The following RARB variants were observed in gnomAD, a reference collection of about 807,000 sequenced individuals.
RARB encodes retinoic acid receptor beta, also known as HBV-activated protein.
Under a neutral mutation model 51.9 loss-of-function variants are expected in RARB, and 17 were observed. The ratio of observed to expected loss-of-function variants is 0.33; its 90% CI spans 0.22 to 0.49. RARB has a LOEUF of 0.49. Among genes scored for constraint, RARB ranks in the 20% least tolerant of loss-of-function variants. The pLI is 0.99. For synonymous variants in RARB, 215 were observed against 195.4 expected, an observed-to-expected ratio of 1.10 and a Z score of -0.84; for missense variants, 369 against 550.8, an observed-to-expected ratio of 0.67 and a Z score of 3.30.
chr3:25,086,717 T>A (rs966675522), intron 3 of RARB, among the ~76,000 whole-genome samples: 27 of 152,112 alleles, frequency 1.8e-4, no homozygotes, highest in Admixed American at 1.0e-3. Flanking sequence ...GGAGGGGCAC[T>A]TCCAGGTCAC....
chr3:25,314,974 T>C (rs9838713), intron 5 of RARB, among the ~76,000 whole-genome samples: 55,838 of 152,068 alleles, frequency 0.37, 10,993 homozygotes, highest in African/African-American at 0.5. Context: ...CAAATTAACA[T>C]GGGAACAGAA....
intron 3 of RARB, among the ~76,000 whole-genome samples, chr3:25,508,285 G>A (rs1372663522): frequency 6.6e-6 from 1 of 152,134 alleles, no homozygotes; most frequent in Non-Finnish European, 1.5e-5. Context: ...CTTTAGACAT[G>A]AACGTCCCCA....
At chr3:25,411,651 G>A (rs144337251) in intron 5 of RARB, among the ~76,000 whole-genome samples, 7 of 152,320 alleles carry the variant, frequency 4.6e-5, no homozygotes, top group African/African-American at 9.6e-5. Flanking sequence ...CAAATCGCCC[G>A]AGGAATATTA....
At chr3:25,277,578 T>C (rs923649059) in intron 5 of RARB, among the ~76,000 whole-genome samples, 1 of 152,228 alleles carries the variant, frequency 6.6e-6, no homozygotes, top group African/African-American at 2.4e-5. Flanking sequence ...CAAATTGTTT[T>C]TCATAAACTT....
At chr3:24,972,155 G>A (rs1696413919) in intron 2 of RARB, among the ~76,000 whole-genome samples, 1 of 151,638 alleles carries the variant, frequency 6.6e-6, no homozygotes, top group Non-Finnish European at 1.5e-5. Flanking sequence ...TCCTCCCTAC[G>A]CTTTCTGGCC....
chr3:24,909,841 TA>T (rs1385947800), intron 2 of RARB, among the ~76,000 whole-genome samples: 5 of 152,294 alleles, frequency 3.3e-5, no homozygotes, highest in South Asian at 2.1e-4. Flanking sequence ...CATAGAATTT[TA>T]ATGTTTGTAT....
At chr3:24,839,728 GGGT>G (rs374891119) in intron 1 of RARB, among the ~76,000 whole-genome samples, 7,687 of 99,262 alleles carry the variant, frequency 0.077, 11 homozygotes, top group Middle Eastern at 0.15. Context: ...AAGGGGGGGG[GGGT>G]GGGGGAAGAA....
intron 4 of RARB, among the ~76,000 whole-genome samples, chr3:25,156,662 C>G (rs1700380100): frequency 6.6e-6 from 1 of 151,442 alleles, no homozygotes; most frequent in East Asian, 1.9e-4. Flanking sequence ...TGCTCTCGTT[C>G]CTACAACACA....
At position 24,942,671 on chromosome 3, in the gene RARB, A is replaced by G. The variant is rs558138955; in HGVS notation, c.-380+83919A>G. Among the ~76,000 whole-genome samples, 59 of 152,338 alleles carry G rather than the reference A, an allele frequency of 3.9e-4. 1 individual carries two copies. Among genetic ancestry groups the G allele is most frequent in the African/African-American group, 1.4e-3 (58 of 41,586 alleles). ...AAGTTCATTTCAATTCTGAGTATCA[A>G]ATGGTATTATCTTTGTTAAATACGC... On this transcript the variant is annotated intron_variant, in intron 2 of 11. Transcript: ENST00000383772.
chr3:25,051,089 T>C (rs1698323980), intron 2 of RARB, among the ~76,000 whole-genome samples: 1 of 152,174 alleles, frequency 6.6e-6, no homozygotes, highest in Non-Finnish European at 1.5e-5. Flanking sequence ...ATGCCATGTT[T>C]AACACAAGTA....
intron 5 of RARB, among the ~76,000 whole-genome samples, chr3:25,314,370 A>G (rs1286214380): frequency 6.6e-6 from 1 of 152,212 alleles, no homozygotes; most frequent in Non-Finnish European, 1.5e-5. Context: ...AAACATTCCC[A>G]TTCATAACGT....
chr3:25,057,232 G>A (rs1052424006), intron 2 of RARB, among the ~76,000 whole-genome samples: 87 of 152,192 alleles, frequency 5.7e-4, no homozygotes, highest in South Asian at 4.1e-4. Flanking sequence ...TCATAAGCCA[G>A]TCAGGAATAG....
chr3:25,362,666 G>T (rs1459210488), intron 5 of RARB, among the ~76,000 whole-genome samples: 1 of 152,174 alleles, frequency 6.6e-6, no homozygotes, highest in African/African-American at 2.4e-5. Context: ...ATAGTATCTG[G>T]GCAGGAGTGC....
chr3:25,564,156 A>T (rs960016674), intron 3 of RARB, among the ~76,000 whole-genome samples: 2 of 152,224 alleles, frequency 1.3e-5, no homozygotes, highest in African/African-American at 4.8e-5. Context: ...ATTCAAATAA[A>T]AGTGCTTGGG....
intron 4 of RARB, among the ~76,000 whole-genome samples, chr3:25,160,377 GCTT>G (rs1431585079): frequency 6.6e-6 from 1 of 152,100 alleles, no homozygotes. Flanking sequence ...TTGACCCCTG[GCTT>G]CTTCTAGAAC....
chr3:25,407,271 T>C (rs925649113), intron 5 of RARB, among the ~76,000 whole-genome samples: 1 of 152,188 alleles, frequency 6.6e-6, no homozygotes, highest in Non-Finnish European at 1.5e-5. Context: ...CTAGGCAGCA[T>C]GGTAGTCAAT....
chr3:25,307,791 G>C (rs767758541), intron 5 of RARB, among the ~76,000 whole-genome samples: 4 of 152,194 alleles, frequency 2.6e-5, no homozygotes, highest in African/African-American at 9.6e-5. Flanking sequence ...ATCTTTCTCA[G>C]TGTCTATAGT....
At chr3:24,961,840 AAAC>A (rs1696145465) in intron 2 of RARB, among the ~76,000 whole-genome samples, 1 of 152,166 alleles carries the variant, frequency 6.6e-6, no homozygotes, top group Non-Finnish European at 1.5e-5. Flanking sequence ...ATGTCTATAA[AAAC>A]AAAGCATTTT....
At chr3:25,494,458 C>T (rs955270625) in intron 2 of RARB, among the ~76,000 whole-genome samples, 4 of 152,204 alleles carry the variant, frequency 2.6e-5, no homozygotes, top group African/African-American at 9.7e-5. Flanking sequence ...CCTTTGAATT[C>T]CTAAGGCCTT....
Sources: gnomAD v4.1 joint callset for allele counts (sites outside exome capture counted in the v4.1 genomes callset) on GRCh38, gnomAD v4.1.1 for gene constraint, MANE v1.5 for transcripts, NCBI Gene and HGNC (gene_info 2026-07-23, HGNC 2026-07-21) for gene names.